Variants in GBE1 observed in about 807,000 individuals in gnomAD.
GBE1 encodes the protein 1,4-alpha-glucan branching enzyme 1.
A neutral mutation model predicts 88.8 loss-of-function variants in GBE1; 70 were observed. The ratio of observed to expected loss-of-function variants is 0.79; its 90% CI spans 0.65 to 0.96. GBE1 has a LOEUF of 0.96. Among genes scored for constraint, GBE1 ranks in the 40% least tolerant of loss-of-function variants. The probability of loss-of-function intolerance (pLI) is 0.00; values close to 1 mark genes in which losing one functional copy is unlikely to be tolerated. For missense variants in GBE1, 872 were observed against 871.0 expected, an observed-to-expected ratio of 1.00 and a Z score of -0.01; for synonymous variants, 284 against 300.1, an observed-to-expected ratio of 0.95 and a Z score of 0.56.
chr3:81,692,962 G>A (rs565283380), intron 2 of GBE1, among the ~76,000 whole-genome samples: 2 of 152,244 alleles, frequency 1.3e-5, no homozygotes, highest in South Asian at 4.1e-4. Flanking sequence ...GGGAATGAAT[G>A]CTTTGCTATG....
intron 1 of GBE1, among the ~76,000 whole-genome samples, chr3:81,742,382 A>C (rs1706361559): frequency 6.6e-6 from 1 of 152,158 alleles, no homozygotes; most frequent in African/African-American, 2.4e-5. Flanking sequence ...TGGACAATTA[A>C]AATTCTATTC....
Position 81,499,147 on chromosome 3 carries a change from T to C in GBE1, c.2015A>G (p.Glu672Gly). 2 of 1,610,686 alleles carry C rather than the reference T, an allele frequency of 1.2e-6. No homozygotes were observed. The highest frequency in any genetic ancestry group is 2.7e-5 in the African/African-American group (2 of 74,956). ...RLDHSTDFFS[E>G]AFEHNGRPYS... ...GGGACGCCCATTATGTTCAAAAGCC[T>C]CAGAAAAAAAGTCAGTGCTGTGGTC... is the stretch of plus-strand genomic sequence containing the variant. Residue 672 changes from glutamate (E) to glycine (G), a missense_variant, in exon 15 of 16, where the codon GAG becomes GGG. By Grantham distance (98) the Glu-to-Gly change is moderately conservative (BLOSUM62 -2). Transcript: ENST00000429644.
intron 4 of GBE1, among the ~76,000 whole-genome samples, chr3:81,649,496 A>G (rs902847470): frequency 3.3e-4 from 48 of 147,068 alleles, no homozygotes; most frequent in African/African-American, 1.2e-3. Flanking sequence ...TCTCTGATCA[A>G]TCAGAAATTG....
At chr3:81,514,359 GTTAA>G (rs1192049234) in intron 14 of GBE1, among the ~76,000 whole-genome samples, 3 of 151,620 alleles carry the variant, frequency 2.0e-5, no homozygotes, top group East Asian at 1.9e-4. Flanking sequence ...TCAGTTATAT[GTTAA>G]TTAAATAATT....
chr3:81,521,937 T>C (rs1359346615), intron 14 of GBE1, among the ~76,000 whole-genome samples: 1 of 151,516 alleles, frequency 6.6e-6, no homozygotes, highest in Non-Finnish European at 1.5e-5. Context: ...TAATGCAACT[T>C]TAACTCCATG....
At chr3:81,660,718 A>T (rs1375530545) in intron 3 of GBE1, among the ~76,000 whole-genome samples, 4 of 146,082 alleles carry the variant, frequency 2.7e-5, no homozygotes, top group Non-Finnish European at 6.1e-5. Context: ...TGCAAAAAAA[A>T]CACACACACA....
chr3:81,616,887 T>C (rs1472771063), intron 7 of GBE1, among the ~76,000 whole-genome samples: 1 of 152,090 alleles, frequency 6.6e-6, no homozygotes, highest in South Asian at 2.1e-4. Context: ...GTTTTCATTA[T>C]ACATTCCTGT....
At position 81,527,000 on chromosome 3, in the gene GBE1, T is replaced by C. The variant is rs1702952231; in HGVS notation, c.1934+8195A>G. Among the ~76,000 whole-genome samples, 4 of 152,096 alleles carry C rather than the reference T, an allele frequency of 2.6e-5. No individual in the cohort carries two copies. The South Asian group carries it at 6.2e-4, about 24-fold the overall frequency. On this transcript the variant is annotated intron_variant, in intron 14 of 15. Transcript: ENST00000429644. ...CAAGGTGACAGTAACCAAAACAGCA[T>C]GGTACTGGTACCAAAACAGAGATAT... is the stretch of plus-strand genomic sequence containing the variant.
At chr3:81,586,268 A>G in intron 9 of GBE1, 78 bp from the exon 10 acceptor site, 1 of 863,342 alleles carries the variant, frequency 1.2e-6, no homozygotes, top group Non-Finnish European at 1.8e-6. Context: ...TCAATAAATG[A>G]AAACAATAAT....
intron 2 of GBE1, 23 bp from the exon 3 acceptor site, chr3:81,670,976 T>G (rs549452456): frequency 8.3e-7 from 1 of 1,199,968 alleles, no homozygotes; most frequent in Admixed American, 2.4e-5. Context: ...AGAAGATCAG[T>G]TAACAACAGC....
intron 15 of GBE1, among the ~76,000 whole-genome samples, chr3:81,492,724 C>T (rs1263961673): frequency 2.7e-5 from 4 of 150,098 alleles, no homozygotes; most frequent in Admixed American, 1.3e-4. Context: ...TTCCTTCCTT[C>T]CTTCCTTCCT....
intron 12 of GBE1, among the ~76,000 whole-genome samples, chr3:81,548,637 T>G (rs1053204582): frequency 6.6e-6 from 1 of 151,356 alleles, no homozygotes; most frequent in African/African-American, 2.4e-5. Flanking sequence ...AAAATTGTTA[T>G]GTTGTTTTGA....
chr3:81,734,639 G>A (rs569968408), intron 1 of GBE1, among the ~76,000 whole-genome samples: 1 of 152,118 alleles, frequency 6.6e-6, no homozygotes, highest in East Asian at 1.9e-4. Flanking sequence ...GATGGTCAAG[G>A]TCTCCATGAG....
At chr3:81,552,708 T>C (rs1319386993) in intron 12 of GBE1, among the ~76,000 whole-genome samples, 2 of 152,090 alleles carry the variant, frequency 1.3e-5, no homozygotes, top group South Asian at 2.1e-4. Context: ...CATTACTGTA[T>C]TGAAGGGTAA....
intron 1 of GBE1, among the ~76,000 whole-genome samples, chr3:81,748,980 C>A (rs1281635506): frequency 7.3e-5 from 10 of 137,850 alleles, no homozygotes; most frequent in African/African-American, 2.5e-4. Flanking sequence ...GCACTCCAGC[C>A]TGGTGACAGA....
intron 12 of GBE1, among the ~76,000 whole-genome samples, chr3:81,545,997 T>C (rs571060484): frequency 5.1e-4 from 77 of 152,314 alleles, no homozygotes; most frequent in Non-Finnish European, 1.2e-4. Flanking sequence ...CAAGTAGTGA[T>C]ACTGGCATAC....
chr3:81,501,801 AT>A (rs1702589897), intron 14 of GBE1, among the ~76,000 whole-genome samples: 1 of 146,928 alleles, frequency 6.8e-6, no homozygotes. Flanking sequence ...GGCTCAAGCA[AT>A]TTGTCCCACC....
Position 81,628,861 on chromosome 3 carries a change from T to C in GBE1, c.992+13920A>G, listed in dbSNP as rs141728616. Among the ~76,000 whole-genome samples the C allele has an allele frequency of 1.2e-4, 17 of 145,922 alleles. 1 individual carries two copies. Among genetic ancestry groups the C allele is most frequent in the African/African-American group, 4.3e-4 (17 of 39,922 alleles). On this transcript the variant is annotated intron_variant, in intron 7 of 15. Coordinates refer to ENST00000429644, the MANE Select transcript of GBE1 (RefSeq NM_000158.4). The stretch of plus-strand genomic sequence containing the variant: ...AAATTTTATACAACTAAATCATTCA[T>C]TCTAATTCACTTATGCCTGAGTCAT...
chr3:81,631,993 G>A (rs1704520022), intron 7 of GBE1, among the ~76,000 whole-genome samples: 2 of 151,988 alleles, frequency 1.3e-5, no homozygotes, highest in African/African-American at 4.8e-5. Flanking sequence ...GGTGTGTGAT[G>A]TTCCCCTCTC....
Sources: allele counts gnomAD v4.1 joint callset (sites outside exome capture counted in the v4.1 genomes callset), GRCh38; gene constraint gnomAD v4.1.1; transcripts MANE v1.5; gene names NCBI Gene and HGNC (gene_info 2026-07-23, HGNC 2026-07-21).